ASB4: variants seen among roughly 807,000 people sequenced by gnomAD.
ASB4 encodes the protein ankyrin repeat and SOCS box protein 4.
A neutral mutation model predicts 38.6 loss-of-function variants in ASB4; 35 were observed. The observed-to-expected ratio is 0.91, with a 90% CI of 0.69 to 1.20. The LOEUF (loss-of-function observed/expected upper bound fraction) is 1.20. Among genes scored for constraint, ASB4 ranks in the 50% most tolerant of loss-of-function variants. ASB4 has a pLI of 0.00. For missense variants in ASB4, 557 were observed against 527.2 expected (o/e 1.06, Z -0.55); for synonymous variants, 195 against 201.3 (o/e 0.97, Z 0.26).
chr7:95,528,112 T>A lies in ASB4; in HGVS notation c.787T>A (p.Cys263Ser). 6.2e-7 allele frequency: 1 copy of A among 1,614,210 alleles called. No homozygotes were observed. Among genetic ancestry groups the A allele is most frequent in the Non-Finnish European group, 8.5e-7 (1 of 1,180,040 alleles). ...KSPLHKAAWN[C>S]DHVLMHMMLE... ...TCCCCTCCACAAGGCAGCCTGGAACTGTGACCACGTGCTCATGCACATGAT... is the reference window on the plus strand; with the variant it reads ...TCCCCTCCACAAGGCAGCCTGGAACAGTGACCACGTGCTCATGCACATGAT... The change falls in exon 3 of 5, where the codon TGT (cysteine) becomes AGT (serine). Residue 263 changes from cysteine to serine, a missense_variant. Cys to Ser is a moderately radical substitution (Grantham distance 112). Transcript: ENST00000325885.
Position 95,528,207 on chromosome 7 carries a change from G to T in ASB4, c.882G>T (p.Lys294Asn), listed in dbSNP as rs1562821306. ...NGCAAIQYVL[K>N]VTSVRPAAQP... ...GTGCTGCCATCCAGTACGTGCTGAAGGTCACCTCCGTGCGCCCTGCTGCCC... is the reference window on the plus strand; with the variant it reads ...GTGCTGCCATCCAGTACGTGCTGAATGTCACCTCCGTGCGCCCTGCTGCCC... Residue 294 changes from lysine to asparagine, a missense_variant, in exon 3 of 5, where the codon AAG becomes AAT. Transcript: ENST00000325885. 1.2e-6 allele frequency: 2 copies of T among 1,614,176 alleles called. No individual in the cohort carries two copies. Among genetic ancestry groups the T allele is most frequent in the East Asian group, 4.5e-5 (2 of 44,872 alleles).
Position 95,537,678 on chromosome 7 carries a change from C to T in ASB4, c.1200C>T (p.Cys400=), listed in dbSNP as rs368628140. The change falls in exon 5 of 5, where the codon TGC becomes TGT. Residue 400 remains cysteine, a synonymous_variant. Coordinates refer to ENST00000325885, the MANE Select transcript of ASB4 (RefSeq NM_016116.3). The stretch of plus-strand genomic sequence containing the variant: ...TTAGAAGAACATTACACAACAGATG[C>T]CATAGAGCAATTCCTTTGCTTTCCC... ...CAIRRTLHNR[C]HRAIPLLSLP... The T allele has an allele frequency of 6.1e-5, 99 of 1,613,832 alleles. No homozygotes were observed. In the African/African-American group the frequency reaches 1.2e-3, roughly 20 times the overall value.
At chr7:95,542,798 G>A (rs1043143629), downstream of ASB4, 2 of 152,124 alleles carry the variant, frequency 1.3e-5, no homozygotes, top group Admixed American at 6.5e-5. Flanking sequence ...TTACTAATTG[G>A]TTTTCTGTTT....
chr7:95,514,334 A>G (rs1790525514), intron 2 of ASB4, among the ~76,000 whole-genome samples: 1 of 152,198 alleles, frequency 6.6e-6, no homozygotes, highest in Non-Finnish European at 1.5e-5. Flanking sequence ...TTCCCTGCCT[A>G]CTATTAAATC....
At chr7:95,512,112 CTCCCATGCTGTAGCCTATTA>C (rs912106734) in intron 2 of ASB4, among the ~76,000 whole-genome samples, 5 of 152,184 alleles carry the variant, frequency 3.3e-5, no homozygotes, top group African/African-American at 1.2e-4. Context: ...ACACTTGATC[CTCCCATGCTGTAGCCTATTA>C]GACCAGGGGT....
chr7:95,526,314 C>T (rs1199897862), intron 2 of ASB4, among the ~76,000 whole-genome samples: 2 of 152,150 alleles, frequency 1.3e-5, no homozygotes, highest in African/African-American at 4.8e-5. Context: ...GCACAATGAC[C>T]TTGTTCTGTG....
At chr7:95,481,371 C>A (rs975938991), upstream of ASB4, among the ~76,000 whole-genome samples, 11 of 150,818 alleles carry the variant, frequency 7.3e-5, no homozygotes, top group East Asian at 1.8e-3. Context: ...GAAAAAAAAA[C>A]AACAAGATGA....
intron 2 of ASB4, 73 bp from the exon 3 acceptor site, chr7:95,527,740 T>G: frequency 7.2e-7 from 1 of 1,382,720 alleles, no homozygotes; most frequent in Non-Finnish European, 9.8e-7. Context: ...GTGAGAAAAG[T>G]CTTGTTTAAT....
At chr7:95,492,461 C>T (rs566166682) in intron 1 of ASB4, among the ~76,000 whole-genome samples, 3 of 152,184 alleles carry the variant, frequency 2.0e-5, no homozygotes, top group African/African-American at 4.8e-5. Flanking sequence ...AACTGCATTG[C>T]GGGTATTCTG....
Position 95,496,059 on chromosome 7 carries a change from T to C in ASB4, c.487+2T>C. 1 of 1,608,346 alleles carries C rather than the reference T, an allele frequency of 6.2e-7. No individual in the cohort carries two copies. The highest frequency in any genetic ancestry group is 1.1e-5 in the South Asian group (1 of 90,886). On this transcript the variant is annotated splice_donor_variant, in intron 2 of 4. Transcript: ENST00000325885. LOFTEE classifies it high-confidence loss of function. ...GTGCCAAGCAATTGGTTTGGAGAGG[T>C]AAGCCTTTCTGGGTGGCCAACATTG...
intron 2 of ASB4, among the ~76,000 whole-genome samples, chr7:95,517,151 G>A (rs1221681936): frequency 6.6e-6 from 1 of 152,070 alleles, no homozygotes; most frequent in Non-Finnish European, 1.5e-5. Flanking sequence ...TTTCTATTGA[G>A]TTGTAATAGT....
intron 2 of ASB4, among the ~76,000 whole-genome samples, chr7:95,501,913 A>G (rs1790343965): frequency 6.6e-6 from 1 of 152,212 alleles, no homozygotes; most frequent in African/African-American, 2.4e-5. Context: ...TACTCTTTCA[A>G]GCCATGTCAT....
At chr7:95,549,166 T>C in the ASB4 span, among the ~76,000 whole-genome samples, 1 of 152,012 alleles carries the variant, frequency 6.6e-6, no homozygotes, top group Non-Finnish European at 1.5e-5. Context: ...TACGGGAGGA[T>C]GGGGATATAG....
intron 3 of ASB4, among the ~76,000 whole-genome samples, chr7:95,535,893 C>T (rs1258005624): frequency 6.6e-6 from 1 of 152,146 alleles, no homozygotes; most frequent in African/African-American, 2.4e-5. Context: ...TCGTGGTCAC[C>T]AGTGAATCTA....
intron 2 of ASB4, among the ~76,000 whole-genome samples, chr7:95,515,493 G>A (rs1790572037): frequency 6.9e-6 from 1 of 145,676 alleles, no homozygotes; most frequent in African/African-American, 2.6e-5. Flanking sequence ...TCTGCTCACT[G>A]CAACCTCTGC....
chr7:95,526,908 C>T (rs1421736663), intron 2 of ASB4, among the ~76,000 whole-genome samples: 4 of 152,072 alleles, frequency 2.6e-5, no homozygotes, highest in Non-Finnish European at 5.9e-5. Context: ...TTGAGTTGAC[C>T]ACTCTCACAT....
At chr7:95,483,219 G>C (rs964177694), upstream of ASB4, among the ~76,000 whole-genome samples, 3 of 152,160 alleles carry the variant, frequency 2.0e-5, no homozygotes, top group Admixed American at 6.5e-5. Flanking sequence ...TTTTCTTTCA[G>C]TCACCATGAG....
At chr7:95,545,128 T>A (rs1791015980), downstream of ASB4, among the ~76,000 whole-genome samples, 1 of 152,152 alleles carries the variant, frequency 6.6e-6, no homozygotes. Context: ...CCAAGCTGTT[T>A]TGTTAAGGGT....
chr7:95,493,363 T>A (rs1030771105), intron 1 of ASB4, among the ~76,000 whole-genome samples: 15 of 54,690 alleles, frequency 2.7e-4, no homozygotes, highest in Non-Finnish European at 4.0e-4. Context: ...GAGATGAAAG[T>A]GTGTGTGTGT....
Sources: allele counts gnomAD v4.1 joint callset (sites outside exome capture counted in the v4.1 genomes callset), GRCh38; gene constraint gnomAD v4.1.1; transcripts MANE v1.5; gene names NCBI Gene and HGNC (gene_info 2026-07-23, HGNC 2026-07-21).